STX8: variants seen among roughly 807,000 people sequenced by gnomAD.
STX8 encodes syntaxin 8.
STX8 carries 23 observed loss-of-function variants against 37.5 expected under a neutral mutation model. The ratio of observed to expected loss-of-function variants is 0.61; its 90% CI spans 0.44 to 0.87. The LOEUF (loss-of-function observed/expected upper bound fraction) is 0.87. Ranked by LOEUF, STX8 falls within the 40% of genes least tolerant of loss-of-function variation. STX8 has a pLI of 0.00. For missense variants in STX8, 313 were observed against 284.7 expected (o/e 1.10, Z -0.71); for synonymous variants, 115 against 99.1 (o/e 1.16, Z -0.95).
rs1909028139 is a variant in STX8, at chr17:9,307,212, A to G, written c.644-56567T>C. On this transcript the variant is annotated intron_variant, in intron 7 of 7. Transcript: ENST00000306357. ...ATCATCAGTGCCACTGTGCTGCATCATTTATGTACTTACAACTATTTTTTG... is the reference window on the plus strand; with the variant it reads ...ATCATCAGTGCCACTGTGCTGCATCGTTTATGTACTTACAACTATTTTTTG... Among the ~76,000 whole-genome samples, 3 of 152,364 alleles carry G rather than the reference A, an allele frequency of 2.0e-5. No individual in the cohort carries two copies. In the South Asian group the frequency reaches 6.2e-4, roughly 32 times the overall value.
At chr17:9,560,346 A>C (rs111825833) in intron 2 of STX8, among the ~76,000 whole-genome samples, 8,586 of 149,468 alleles carry the variant, frequency 0.057, 370 homozygotes, top group African/African-American at 0.12. Context: ...TGCAGTGAGC[A>C]AAGATGATGC....
chr17:9,428,525 C>G (rs1279795601), intron 6 of STX8, among the ~76,000 whole-genome samples: 2 of 152,192 alleles, frequency 1.3e-5, no homozygotes, highest in Non-Finnish European at 2.9e-5. Flanking sequence ...CAGGCGTAAG[C>G]CACCCCGTCC....
At chr17:9,348,221 C>T (rs1252673923) in intron 7 of STX8, among the ~76,000 whole-genome samples, 1 of 151,848 alleles carries the variant, frequency 6.6e-6, no homozygotes, top group Non-Finnish European at 1.5e-5. Context: ...GTCAGGAGAT[C>T]GAGACCATCC....
At chr17:9,418,579 A>T (rs1244746101) in intron 6 of STX8, among the ~76,000 whole-genome samples, 1 of 150,998 alleles carries the variant, frequency 6.6e-6, no homozygotes. Flanking sequence ...CTGTAATCCC[A>T]GCACTTTAGG....
chr17:9,372,036 T>C (rs897893322), intron 7 of STX8, among the ~76,000 whole-genome samples: 10 of 152,152 alleles, frequency 6.6e-5, no homozygotes, highest in Admixed American at 3.3e-4. Flanking sequence ...TCCTAGAATA[T>C]GCTTTCCTCC....
intron 6 of STX8, among the ~76,000 whole-genome samples, chr17:9,480,122 G>A (rs978319010): frequency 2.2e-4 from 33 of 152,072 alleles, no homozygotes; most frequent in Non-Finnish European, 4.4e-4. Flanking sequence ...TGTTATCACC[G>A]TCTCTAACTG....
At chr17:9,543,940 A>G (rs976461164) in intron 4 of STX8, among the ~76,000 whole-genome samples, 2 of 152,134 alleles carry the variant, frequency 1.3e-5, no homozygotes. Context: ...CCCACAGGAA[A>G]ATCAGTTTCA....
intron 6 of STX8, among the ~76,000 whole-genome samples, chr17:9,383,410 C>T (rs922013821): frequency 2.0e-5 from 3 of 152,094 alleles, no homozygotes; most frequent in African/African-American, 4.8e-5. Flanking sequence ...AAGGGTATGA[C>T]GAAATTCAGT....
At chr17:9,311,961 C>T (rs1909206188) in intron 7 of STX8, among the ~76,000 whole-genome samples, 1 of 151,790 alleles carries the variant, frequency 6.6e-6, no homozygotes, top group Non-Finnish European at 1.5e-5. Context: ...TATTCTCCTG[C>T]CTCAGCCTCC....
At chr17:9,394,884 T>G (rs1174369829) in intron 6 of STX8, among the ~76,000 whole-genome samples, 1 of 150,942 alleles carries the variant, frequency 6.6e-6, no homozygotes, top group Non-Finnish European at 1.5e-5. Context: ...TGGCCTGGCC[T>G]GGCCGACATG....
At chr17:9,528,510 A>G (rs766415444) in intron 4 of STX8, among the ~76,000 whole-genome samples, 36 of 152,100 alleles carry the variant, frequency 2.4e-4, no homozygotes, top group Non-Finnish European at 3.1e-4. Context: ...AGTAGAGACC[A>G]TGTTGTCCAG....
intron 3 of STX8, chr17:9,548,648 T>C (rs1906645856): frequency 6.6e-6 from 1 of 152,100 alleles, no homozygotes; most frequent in South Asian, 2.1e-4. Context: ...AAAAAAAGAA[T>C]AGGAAAGCTG....
intron 6 of STX8, chr17:9,452,430 G>T (rs1597681530): frequency 6.6e-6 from 1 of 152,206 alleles, no homozygotes; most frequent in East Asian, 1.9e-4. Context: ...CCGAACACTA[G>T]TTCTTACTCA....
intron 7 of STX8, among the ~76,000 whole-genome samples, chr17:9,323,812 G>T (rs139856880): frequency 6.1e-4 from 93 of 152,294 alleles, no homozygotes; most frequent in South Asian, 4.8e-3. Context: ...CATATGCTGG[G>T]CATTCAAGGA....
intron 6 of STX8, among the ~76,000 whole-genome samples, chr17:9,473,437 C>G (rs1383603881): frequency 3.3e-5 from 5 of 152,232 alleles, no homozygotes; most frequent in African/African-American, 1.2e-4. Flanking sequence ...AGGACCACCC[C>G]TTCCATATAC....
At chr17:9,570,083 T>C (rs1226379063) in intron 1 of STX8, 3 of 152,212 alleles carry the variant, frequency 2.0e-5, no homozygotes, top group Non-Finnish European at 4.4e-5. Context: ...GACCAGTCCA[T>C]CACAAAATAT....
chr17:9,559,747 T>TAC (rs1320245992), intron 2 of STX8, among the ~76,000 whole-genome samples: 89 of 33,034 alleles, frequency 2.7e-3, no homozygotes, highest in African/African-American at 4.4e-3. Context: ...TATATATATA[T>TAC]ATATATATAT....
intron 2 of STX8, among the ~76,000 whole-genome samples, chr17:9,563,972 C>G (rs776799039): frequency 6.6e-6 from 1 of 152,162 alleles, no homozygotes; most frequent in Non-Finnish European, 1.5e-5. Flanking sequence ...ATCACACAAA[C>G]TGAAATAAGA....
chr17:9,414,783 C>CTTTTTTTTTTTT (rs10552538), intron 6 of STX8, among the ~76,000 whole-genome samples: 1 of 57,432 alleles, frequency 1.7e-5, no homozygotes, highest in African/African-American at 7.4e-5. Flanking sequence ...CTGAGTTCTG[C>CTTTTTTTTTTTT]TTTTTTTTTT....
Sources: allele counts gnomAD v4.1 joint callset (sites outside exome capture counted in the v4.1 genomes callset), GRCh38; gene constraint gnomAD v4.1.1; transcripts MANE v1.5; gene names NCBI Gene and HGNC (gene_info 2026-07-23, HGNC 2026-07-21).